Variants in AHCYL2 observed in about 807,000 individuals in gnomAD.
AHCYL2 encodes the protein S-adenosylhomocysteine hydrolase-like protein 2.
Under a neutral mutation model 81.4 loss-of-function variants are expected in AHCYL2, and 28 were observed. That is an observed-to-expected ratio of 0.34 (90% CI 0.25 to 0.47). The LOEUF (loss-of-function observed/expected upper bound fraction) is 0.47. AHCYL2 is among the 20% of genes least tolerant of loss of function. The pLI is 1.00. For missense variants in AHCYL2, 551 were observed against 785.1 expected, an observed-to-expected ratio of 0.70 and a Z score of 3.56; for synonymous variants, 272 against 290.2, an observed-to-expected ratio of 0.94 and a Z score of 0.64.
chr7:129,233,404 C>T (rs1008807661), intron 1 of AHCYL2, among the ~76,000 whole-genome samples: 15 of 152,074 alleles, frequency 9.9e-5, no homozygotes, highest in African/African-American at 1.9e-4. Flanking sequence ...CTCCAATTCT[C>T]GGGCTCAAGT....
At chr7:129,288,624 T>A (rs919565615) in intron 1 of AHCYL2, among the ~76,000 whole-genome samples, 7 of 152,048 alleles carry the variant, frequency 4.6e-5, no homozygotes, top group Admixed American at 6.5e-5. Context: ...CCTCCCAAAG[T>A]GCTGGGATTA....
chr7:129,279,345 C>T (rs1207441279), intron 1 of AHCYL2, among the ~76,000 whole-genome samples: 2 of 151,648 alleles, frequency 1.3e-5, no homozygotes, highest in African/African-American at 2.4e-5. Flanking sequence ...AGATGAGGTT[C>T]GCCATGTTGG....
chr7:129,342,458 CA>C (rs1438522745), intron 1 of AHCYL2, among the ~76,000 whole-genome samples: 2 of 152,038 alleles, frequency 1.3e-5, no homozygotes, highest in African/African-American at 4.8e-5. Context: ...AATAAAGAAG[CA>C]AAAGGTAGGT....
intron 11 of AHCYL2, chr7:129,410,435 G>A (rs911005776): frequency 5.5e-5 from 81 of 1,474,456 alleles, no homozygotes; most frequent in African/African-American, 9.7e-5. Context: ...TATCCTCAGC[G>A]TCCAAACAGA....
At chr7:129,239,128 T>C (rs1180239020) in intron 1 of AHCYL2, among the ~76,000 whole-genome samples, 1 of 152,178 alleles carries the variant, frequency 6.6e-6, no homozygotes, top group East Asian at 1.9e-4. Flanking sequence ...TGTATAACAC[T>C]CAAGCTAATC....
At chr7:129,313,988 A>G (rs1017696764) in intron 1 of AHCYL2, among the ~76,000 whole-genome samples, 4 of 152,224 alleles carry the variant, frequency 2.6e-5, no homozygotes, top group Non-Finnish European at 5.9e-5. Context: ...CACAGCCATT[A>G]GAGAATATAA....
At chr7:129,369,839 A>G (rs1271026536) in intron 1 of AHCYL2, among the ~76,000 whole-genome samples, 1 of 152,194 alleles carries the variant, frequency 6.6e-6, no homozygotes, top group Non-Finnish European at 1.5e-5. Context: ...GGTGTGAGCC[A>G]CCACGCTCAG....
chr7:129,315,858 C>T (rs1797810513), intron 1 of AHCYL2, among the ~76,000 whole-genome samples: 1 of 152,112 alleles, frequency 6.6e-6, no homozygotes, highest in Non-Finnish European at 1.5e-5. Flanking sequence ...GAAAATTAGC[C>T]GTCAGCCATT....
At chr7:129,363,835 G>A (rs1356725310) in intron 1 of AHCYL2, among the ~76,000 whole-genome samples, 1 of 152,056 alleles carries the variant, frequency 6.6e-6, no homozygotes, top group Non-Finnish European at 1.5e-5. Flanking sequence ...GTCATGCCTG[G>A]CCTATTTTAT....
intron 1 of AHCYL2, among the ~76,000 whole-genome samples, chr7:129,362,800 A>G (rs897623943): frequency 1.3e-5 from 2 of 152,046 alleles, no homozygotes; most frequent in African/African-American, 4.8e-5. Flanking sequence ...AAAAGAAGAC[A>G]GGGTCACATT....
At chr7:129,307,393 C>T in intron 1 of AHCYL2, among the ~76,000 whole-genome samples, 1 of 152,092 alleles carries the variant, frequency 6.6e-6, no homozygotes, top group East Asian at 1.9e-4. Context: ...CCACCACCAC[C>T]ACAGGCCTAT....
At chr7:129,287,509 G>A (rs1310360889) in intron 1 of AHCYL2, among the ~76,000 whole-genome samples, 1 of 152,206 alleles carries the variant, frequency 6.6e-6, no homozygotes, top group African/African-American at 2.4e-5. Context: ...TCAGTTTAAT[G>A]TGCTTTTTAA....
chr7:129,331,666 AC>A (rs575498357), intron 1 of AHCYL2, among the ~76,000 whole-genome samples: 110 of 151,720 alleles, frequency 7.3e-4, no homozygotes, highest in African/African-American at 2.5e-3. Context: ...AAATAATGAA[AC>A]CCCGTCTCTA....
At chr7:129,340,438 G>A (rs1268407514) in intron 1 of AHCYL2, among the ~76,000 whole-genome samples, 2 of 151,414 alleles carry the variant, frequency 1.3e-5, no homozygotes, top group South Asian at 2.1e-4. Flanking sequence ...CGTGGTGGCA[G>A]TTGCCTATAG....
chr7:129,283,308 C>T (rs1796515106), intron 1 of AHCYL2: 1 of 454,442 alleles, frequency 2.2e-6, no homozygotes, highest in Non-Finnish European at 4.4e-6. Flanking sequence ...ACAGAACTTA[C>T]TTCACTTGTT....
chr7:129,281,697 C>T (rs1796454734), intron 1 of AHCYL2, among the ~76,000 whole-genome samples: 1 of 151,836 alleles, frequency 6.6e-6, no homozygotes, highest in Non-Finnish European at 1.5e-5. Context: ...AGGGTTTTGC[C>T]ATGTTGCCCG....
intron 2 of AHCYL2, among the ~76,000 whole-genome samples, chr7:129,381,646 T>C (rs941273829): frequency 6.6e-6 from 1 of 152,222 alleles, no homozygotes; most frequent in African/African-American, 2.4e-5. Context: ...CTACTTACTA[T>C]ACATAGTTAT....
chr7:129,285,152 A>AT (rs1170526068), intron 1 of AHCYL2, among the ~76,000 whole-genome samples: 1 of 152,092 alleles, frequency 6.6e-6, no homozygotes, highest in East Asian at 1.9e-4. Context: ...TCTCCCATCT[A>AT]TGGCCTCCCT....
At position 129,225,239 on chromosome 7, in the gene AHCYL2, C is replaced by A; in HGVS notation, c.163C>A (p.Pro55Thr). 6.8e-7 allele frequency: 1 copy of A among 1,474,296 alleles called. No homozygotes were observed. The highest frequency in any genetic ancestry group is 8.9e-7 in the Non-Finnish European group (1 of 1,121,374). 91.3% of individuals were successfully genotyped at this position (1,474,296 alleles called of 1,614,324 possible). ...AGGGDPEAPAPAAERPPVPGP... is the reference protein window; with the variant it reads ...AGGGDPEAPATAAERPPVPGP... Reference sequence around the variant, plus strand: ...CGGTGGAGACCCTGAGGCTCCAGCTCCCGCCGCGGAGCGGCCCCCGGTCCC... The same window carrying A: ...CGGTGGAGACCCTGAGGCTCCAGCTACCGCCGCGGAGCGGCCCCCGGTCCC... The change falls in exon 1 of 17, where the codon CCC (proline) becomes ACC (threonine). Residue 55 changes from proline (P) to threonine (T), a missense_variant. This residue lies in a region of AHCYL2 where 235 missense variants were observed against 242.1 expected (regional missense o/e 0.97). Transcript: ENST00000325006.
Sources: allele counts gnomAD v4.1 joint callset (sites outside exome capture counted in the v4.1 genomes callset), GRCh38; gene constraint gnomAD v4.1.1; regional missense constraint gnomAD v4.1.1; transcripts MANE v1.5; gene names NCBI Gene and HGNC (gene_info 2026-07-23, HGNC 2026-07-21).